DNHD1: variants seen among roughly 807,000 people sequenced by gnomAD.
The protein encoded by DNHD1 is dynein heavy chain domain 1, also known as dynein heavy chain domain-containing protein 1.
DNHD1 carries 383 observed loss-of-function variants against 458.1 expected under a neutral mutation model. The observed-to-expected ratio is 0.84, with a 90% CI of 0.77 to 0.91. The LOEUF (loss-of-function observed/expected upper bound fraction) is 0.91, where lower values mean the gene tolerates loss of function less well. Among genes scored for constraint, DNHD1 ranks in the 40% least tolerant of loss-of-function variants. The pLI is 0.00. For missense variants in DNHD1, 5,336 were observed against 5,866.1 expected (o/e 0.91, Z 2.95); for synonymous variants, 2,203 against 2,376.9 (o/e 0.93, Z 2.13).
In DNHD1 at chr11:6,539,989, C is replaced by G. The variant is rs368168152; in HGVS notation, c.3534C>G (p.Tyr1178Ter). Residue 1178 changes from tyrosine to a stop codon, truncating the protein, a stop_gained, in exon 18 of 43, where the codon TAC (tyrosine) becomes TAG (stop). Coordinates refer to ENST00000254579, the MANE Select transcript of DNHD1 (RefSeq NM_144666.3). LOFTEE classifies it high-confidence loss of function. ...RLLNFILHVP[Y>*]EPPASERSKR... ...TCAACTTCATCCTGCATGTACCCTA[C>G]GAGCCCCCAGCCTCAGAGCGCTCCA... The G allele has an allele frequency of 9.0e-6, 14 of 1,551,634 alleles. No individual in the cohort carries two copies. Among genetic ancestry groups the G allele is most frequent in the Middle Eastern group, 1.7e-4 (1 of 6,014 alleles).
Position 6,546,089 on chromosome 11 carries a change from T to C in DNHD1, c.5150T>C (p.Ile1717Thr). Residue 1717 changes from isoleucine (I) to threonine (T), a missense_variant, in exon 21 of 43, where the codon ATA becomes ACA. Around this residue, in one of 4 missense-constraint regions of DNHD1, gnomAD observed 3,932 missense variants for 4,365.6 expected, o/e 0.90. Coordinates refer to ENST00000254579, the MANE Select transcript of DNHD1 (RefSeq NM_144666.3). ...QLVMLPCSPQ[I>T]EAQCLSNYLN... is the part of the protein sequence containing the mutation. ...GTGATGCTACCCTGCTCACCTCAGATAGAGGCTCAATGCCTGAGCAACTAT... is the reference window on the plus strand; with the variant it reads ...GTGATGCTACCCTGCTCACCTCAGACAGAGGCTCAATGCCTGAGCAACTAT... The C allele has an allele frequency of 1.3e-6, 2 of 1,551,560 alleles. No homozygotes were observed. The highest frequency in any genetic ancestry group is 1.7e-6 in the Non-Finnish European group (2 of 1,146,852).
Position 6,571,413 on chromosome 11 carries a change from T to A in DNHD1, c.13901T>A (p.Leu4634Gln). 6.3e-7 allele frequency: 1 copy of A among 1,598,980 alleles called. No individual in the cohort carries two copies. The highest frequency in any genetic ancestry group is 8.6e-7 in the Non-Finnish European group (1 of 1,169,480). The change falls in exon 42 of 43, where the codon CTG (leucine) becomes CAG (glutamine). Residue 4634 changes from leucine (L) to glutamine (Q), a missense_variant. Leu to Gln is a moderately radical substitution (Grantham distance 113). Coordinates refer to ENST00000254579, the MANE Select transcript of DNHD1 (RefSeq NM_144666.3). This position sits in a 1 kb window ranked among gnomAD's most constrained non-coding sequence, Gnocchi z 5.0. ...YKRLEMNSNP[L>Q]HFRVENGPNP... is the part of the protein sequence containing the mutation. ...CGTCTGGAGATGAACAGCAACCCTC[T>A]GCACTTCAGGGTATCTTCGCGCCGC...
At chr11:6,559,555 G>C (rs544378718) in intron 28 of DNHD1, among the ~76,000 whole-genome samples, 22 of 152,332 alleles carry the variant, frequency 1.4e-4, no homozygotes, top group African/African-American at 5.3e-4. Context: ...GTGAAGTTCA[G>C]TATGCTGCCA....
At chr11:6,499,890 C>T (rs144219821) in intron 3 of DNHD1, among the ~76,000 whole-genome samples, 6 of 151,582 alleles carry the variant, frequency 4.0e-5, no homozygotes, top group Admixed American at 2.0e-4. Context: ...TTTAAAATAT[C>T]TGGCTATCAG....
chr11:6,515,345 A>G (rs1375991402), intron 7 of DNHD1, among the ~76,000 whole-genome samples: 5 of 152,158 alleles, frequency 3.3e-5, no homozygotes, highest in Admixed American at 2.6e-4. Flanking sequence ...AAATTTGGCA[A>G]TTGTTCTAAT....
At position 6,559,181 on chromosome 11, in the gene DNHD1, G is replaced by T; in HGVS notation, c.9417G>T (p.Arg3139=). The change falls in exon 28 of 43, where the codon CGG becomes CGT. Residue 3139 remains arginine (R), a splice_region_variant and synonymous_variant. Coordinates refer to ENST00000254579, the MANE Select transcript of DNHD1 (RefSeq NM_144666.3). Reference sequence around the variant, plus strand: ...CCTCACCAGCACATTGTATCTCCAGGGTCCAGAATGCCTTGGAGAATCTGA... The same window carrying T: ...CCTCACCAGCACATTGTATCTCCAGTGTCCAGAATGCCTTGGAGAATCTGA... ...TILKIKNKAQ[R]VQNALENLRM... is the part of the protein sequence containing the mutation. 1 of 1,551,664 alleles carries T rather than the reference G, an allele frequency of 6.4e-7. No individual in the cohort carries two copies. The highest frequency in any genetic ancestry group is 1.2e-5 in the South Asian group (1 of 84,052).
rs1389239970 is a variant in DNHD1 at position 6,565,835 on chromosome 11, G to C, written c.10897G>C (p.Glu3633Gln). 2 of 1,551,704 alleles carry C rather than the reference G, an allele frequency of 1.3e-6. No individual in the cohort carries two copies. The highest frequency in any genetic ancestry group is 2.4e-5 in the East Asian group (1 of 40,924). ...GGAAAGAAAAAATGAGCAGGAGAAA[G>C]AGCAAGAGGAAAATGAAGAGAAAGA... ...AEERKNEQEK[E>Q]QEENEEKEEE... is the part of the protein sequence containing the mutation. Residue 3633 changes from glutamate (E) to glutamine (Q), a missense_variant, in exon 33 of 43, where the codon GAG (glutamate) becomes CAG (glutamine). By Grantham distance (29) the Glu-to-Gln change is conservative. This residue lies in a region of DNHD1 where 695 missense variants were observed against 804.2 expected (regional missense o/e 0.86). Transcript: ENST00000254579.
intron 4 of DNHD1, chr11:6,508,515 A>G (rs904435201): frequency 1.6e-5 from 3 of 181,988 alleles, no homozygotes; most frequent in African/African-American, 7.1e-5. Context: ...GCATCTTACA[A>G]ATTGATGGAA....
chr11:6,514,340 G>A (rs558398315), intron 7 of DNHD1, among the ~76,000 whole-genome samples: 42 of 152,170 alleles, frequency 2.8e-4, no homozygotes, highest in Non-Finnish European at 5.4e-4. Flanking sequence ...CTGATCTCAA[G>A]TGATTCATCT....
At position 6,526,352 on chromosome 11, in the gene DNHD1, T is replaced by G. The variant is rs147287076; in HGVS notation, c.1838-2170T>G. 2.2e-4 allele frequency among the ~76,000 whole-genome samples: 34 copies of G among 152,294 alleles called. 1 individual carries two copies. The South Asian group carries it at 4.4e-3, about 19-fold the overall frequency. On this transcript the variant is annotated intron_variant, in intron 10 of 42. Transcript: ENST00000254579. Reference sequence around the variant, plus strand: ...CCTCTCATGACTTCTATCATTTTTCTATTGTCTTTTAGCTTGTTTTGAAAT... The same window carrying G: ...CCTCTCATGACTTCTATCATTTTTCGATTGTCTTTTAGCTTGTTTTGAAAT...
rs757874511 is a variant in DNHD1, at chr11:6,571,113, C to T, written c.13601C>T (p.Pro4534Leu). ...CACGCTCTCTGGACTGGCCGCCTAC[C>T]CTTGCCTTGGCGACCTCATGCGCCG... ...VAHALWTGRL[P>L]LPWRPHAPAG... Residue 4534 changes from proline (P) to leucine (L), a missense_variant, in exon 42 of 43, where the codon CCC becomes CTC. By Grantham distance (98) the Pro-to-Leu change is moderately conservative (BLOSUM62 -3). Around this residue, in one of 4 missense-constraint regions of DNHD1, gnomAD observed 698 missense variants for 664.9 expected, o/e 1.05. Transcript: ENST00000254579. The surrounding 1 kb of genome is among the most constrained non-coding windows in gnomAD (Gnocchi z 5.0). 1.3e-6 allele frequency: 2 copies of T among 1,599,960 alleles called. No individual in the cohort carries two copies. The highest frequency in any genetic ancestry group is 1.3e-5 in the African/African-American group (1 of 74,870).
At chr11:6,549,979 G>A (rs887908515) in intron 24 of DNHD1, among the ~76,000 whole-genome samples, 3 of 152,224 alleles carry the variant, frequency 2.0e-5, no homozygotes, top group African/African-American at 7.2e-5. Flanking sequence ...GGTTGTTGGA[G>A]TCAAGGAAGT....
intron 21 of DNHD1, 84 bp from the exon 22 acceptor site, chr11:6,547,779 G>T: frequency 6.6e-7 from 1 of 1,523,410 alleles, no homozygotes; most frequent in Non-Finnish European, 8.9e-7. Flanking sequence ...GGAGTGAAAA[G>T]TAATACTGTC....
rs1481624731 is a variant in DNHD1, at chr11:6,558,687, G to T, written c.9205G>T (p.Asp3069Tyr). 5.2e-6 allele frequency: 8 copies of T among 1,549,506 alleles called. No homozygotes were observed. The highest frequency in any genetic ancestry group is 7.0e-6 in the Non-Finnish European group (8 of 1,146,950). Residue 3069 changes from aspartate to tyrosine, a missense_variant, in exon 26 of 43, where the codon GAT (aspartate) becomes TAT (tyrosine). Physicochemically the swap from Asp to Tyr is radical, Grantham distance 160. Around this residue, in one of 4 missense-constraint regions of DNHD1, gnomAD observed 3,932 missense variants for 4,365.6 expected, o/e 0.90. Transcript: ENST00000254579. Reference protein sequence around the residue: ...HLEGAQSVPLDDGSWKYPDLQ... With the variant: ...HLEGAQSVPLYDGSWKYPDLQ... ...GGAGGGTGCTCAGAGTGTGCCCCTT[G>T]ATGACGGTAAGCCCTTTTTACTTGT...
Position 6,533,133 on chromosome 11 carries a change from C to T in DNHD1, c.2454C>T (p.Ile818=). 1 of 1,551,714 alleles carries T rather than the reference C, an allele frequency of 6.4e-7. No individual in the cohort carries two copies. The highest frequency in any genetic ancestry group is 8.7e-7 in the Non-Finnish European group (1 of 1,146,992). ...CAGAGCTCACAGATTTCATGCATAT[C>T]TTCCGAACCATCAACTCAGATATTC... is the stretch of plus-strand genomic sequence containing the variant. ...LMTELTDFMH[I]FRTINSDIHA... The change falls in exon 13 of 43, where the codon ATC becomes ATT. Residue 818 remains isoleucine, a synonymous_variant. Transcript: ENST00000254579.
chr11:6,518,006 GTTTT>G (rs763975135), intron 7 of DNHD1, among the ~76,000 whole-genome samples: 6 of 152,070 alleles, frequency 3.9e-5, no homozygotes, highest in Non-Finnish European at 8.8e-5. Flanking sequence ...ATCTAAAAAT[GTTTT>G]TATTTATCCT....
chr11:6,520,495 G>A (rs1342915024), intron 10 of DNHD1: 4 of 1,422,382 alleles, frequency 2.8e-6, no homozygotes, highest in Non-Finnish European at 2.8e-6. Flanking sequence ...ACGTGGTTAT[G>A]TGTATGTGCG....
chr11:6,510,582 T>C (rs1049950141), intron 6 of DNHD1, among the ~76,000 whole-genome samples: 1 of 152,180 alleles, frequency 6.6e-6, no homozygotes, highest in African/African-American at 2.4e-5. Context: ...CCTTGAGTAC[T>C]AGCAAGGGAC....
At chr11:6,534,887 C>T (rs1274351285) in intron 14 of DNHD1, among the ~76,000 whole-genome samples, 1 of 152,206 alleles carries the variant, frequency 6.6e-6, no homozygotes, top group East Asian at 1.9e-4. Flanking sequence ...GCTGGGACTA[C>T]AGGTGTGTGC....
Sources: allele counts gnomAD v4.1 joint callset (sites outside exome capture counted in the v4.1 genomes callset), GRCh38; gene constraint gnomAD v4.1.1; regional missense constraint gnomAD v4.1.1; non-coding constraint Gnocchi (gnomAD v3.1); transcripts MANE v1.5; gene names NCBI Gene and HGNC (gene_info 2026-07-23, HGNC 2026-07-21).